Variants in CFAP47 observed in about 807,000 individuals in gnomAD.
The protein encoded by CFAP47 is cilia- and flagella-associated protein 47.
CFAP47 carries 29 observed loss-of-function variants against 148.1 expected under a neutral mutation model. The ratio of observed to expected loss-of-function variants is 0.20; its 90% CI spans 0.15 to 0.27. The LOEUF is 0.27. CFAP47 is among the 10% of genes least tolerant of loss of function. The pLI is 1.00. For synonymous variants in CFAP47, 664 were observed against 577.3 expected (o/e 1.15, Z -2.15); for missense variants, 1,872 against 1,697.5 (o/e 1.10, Z -1.81).
chrX:36,238,002 C>T (rs16998536), intron 48 of CFAP47, among the ~76,000 whole-genome samples: 1,855 of 111,523 alleles, frequency 0.017, 36 homozygotes, highest in African/African-American at 0.057. Context: ...CCTTCAAAAT[C>T]AAAACCTAGT....
At chrX:36,139,120 T>A (rs1939097258) in intron 35 of CFAP47, among the ~76,000 whole-genome samples, 1 of 111,671 alleles carries the variant, frequency 9.0e-6, no homozygotes, top group Non-Finnish European at 1.9e-5. Context: ...CTTATTTAAT[T>A]GTTAATAATG....
At chrX:36,146,873 G>C (rs7049376) in intron 36 of CFAP47, among the ~76,000 whole-genome samples, 10,117 of 103,511 alleles carry the variant, frequency 0.098, 1,051 homozygotes, top group African/African-American at 0.3. Flanking sequence ...CTCTGCCTTC[G>C]CAGGTTCAAG....
At chrX:35,986,262 C>G (rs957463476) in intron 15 of CFAP47, among the ~76,000 whole-genome samples, 1 of 110,491 alleles carries the variant, frequency 9.1e-6, no homozygotes, top group African/African-American at 3.3e-5. Context: ...TAGGTTTGGT[C>G]TTTTCACATA....
chrX:36,185,175 G>A (rs1156754737), intron 40 of CFAP47, among the ~76,000 whole-genome samples: 1 of 110,404 alleles, frequency 9.1e-6, no homozygotes, highest in East Asian at 2.9e-4. Flanking sequence ...GTCTGGTAAG[G>A]GCCAAATTCC....
chrX:36,157,517 A>T lies in CFAP47; in HGVS notation c.5787-1909A>T, dbSNP rs761056391. Among the ~76,000 whole-genome samples the T allele has an allele frequency of 4.5e-5, 5 of 111,641 alleles. No homozygotes were observed. The South Asian group carries it at 1.9e-3, about 42-fold the overall frequency. On this transcript the variant is annotated intron_variant, in intron 37 of 63. Coordinates refer to ENST00000378653, the MANE Select transcript of CFAP47 (RefSeq NM_001304548.2). The stretch of plus-strand genomic sequence containing the variant: ...TAGTTAACTCATTCTGATACTTCAC[A>T]TTCCACCTAATATATCACTTTCTCT...
At chrX:36,313,665 A>C (rs1410755829) in intron 56 of CFAP47, among the ~76,000 whole-genome samples, 2 of 111,767 alleles carry the variant, frequency 1.8e-5, no homozygotes, top group Non-Finnish European at 3.8e-5. Context: ...AGAATTAAAA[A>C]AAAATTCTTA....
chrX:36,147,304 T>C (rs1468792428), intron 36 of CFAP47, among the ~76,000 whole-genome samples: 1 of 111,619 alleles, frequency 9.0e-6, no homozygotes, highest in Non-Finnish European at 1.9e-5. Context: ...TCCTATCTAC[T>C]CCTCATCACC....
chrX:36,170,076 A>G (rs1446511189), intron 39 of CFAP47, among the ~76,000 whole-genome samples: 2 of 111,534 alleles, frequency 1.8e-5, no homozygotes, highest in East Asian at 2.8e-4. Context: ...CAGAGCTGTC[A>G]AAAGGAGGAT....
intron 23 of CFAP47, among the ~76,000 whole-genome samples, chrX:36,031,828 C>CAGAG (rs201797091): frequency 0.32 from 34,251 of 108,619 alleles, 8,372 homozygotes; most frequent in African/African-American, 0.83. Flanking sequence ...GGAAGGAAAA[C>CAGAG]AGACATGCAT....
intron 49 of CFAP47, among the ~76,000 whole-genome samples, chrX:36,270,915 C>T (rs1231156340): frequency 3.6e-5 from 4 of 109,624 alleles, no homozygotes; most frequent in Non-Finnish European, 7.6e-5. Flanking sequence ...GAAAGAAGCA[C>T]GTGGTTTTAA....
At chrX:36,102,119 T>G (rs1348635983) in intron 32 of CFAP47, among the ~76,000 whole-genome samples, 6 of 112,137 alleles carry the variant, frequency 5.4e-5, no homozygotes, top group Non-Finnish European at 1.1e-4. Flanking sequence ...TTACATTTCT[T>G]GAATCAAATC....
At chrX:36,381,565 A>T (rs1942078023) in intron 63 of CFAP47, among the ~76,000 whole-genome samples, 1 of 111,273 alleles carries the variant, frequency 9.0e-6, no homozygotes, top group South Asian at 3.7e-4. Context: ...CATTCCATTA[A>T]ATCAAATTTA....
At position 36,228,848 on chromosome X, in the gene CFAP47, C is replaced by G. The variant is rs782426773; in HGVS notation, c.7014+24C>G. ...TAGTATGTATAAACTTTTTTGGTAC[C>G]TTTCTTTATTCATATTGCCACTGTG... On this transcript the variant is annotated intron_variant, in intron 46 of 63. Coordinates refer to ENST00000378653, the MANE Select transcript of CFAP47 (RefSeq NM_001304548.2). 6 of 508,287 alleles carry G rather than the reference C, an allele frequency of 1.2e-5. No homozygotes were observed. In the East Asian group the frequency reaches 2.2e-4, roughly 19 times the overall value. 41.9% of individuals were successfully genotyped at this position (508,287 alleles called of 1,213,427 possible).
chrX:36,127,270 A>G (rs949497291), intron 33 of CFAP47, among the ~76,000 whole-genome samples: 16 of 111,583 alleles, frequency 1.4e-4, no homozygotes, highest in Non-Finnish European at 2.4e-4. Context: ...TAATTTTTGT[A>G]TAAGGTATAA....
chrX:35,945,332 T>G lies in CFAP47; in HGVS notation c.518-2982T>G, dbSNP rs144038873. The stretch of plus-strand genomic sequence containing the variant: ...CTCTTTCCTAGACTGGTGTTTCTTT[T>G]TGTGGTATATTAAATGTGAATGTTT... On this transcript the variant is annotated intron_variant, in intron 3 of 63. Transcript: ENST00000378653. Among the ~76,000 whole-genome samples, 80 of 111,531 alleles carry G rather than the reference T, an allele frequency of 7.2e-4. 1 individual carries two copies. In the East Asian group the frequency reaches 0.021, roughly 29 times the overall value.
intron 30 of CFAP47, among the ~76,000 whole-genome samples, chrX:36,092,211 G>A (rs941224625): frequency 7.2e-5 from 8 of 111,170 alleles, no homozygotes; most frequent in African/African-American, 2.6e-4. Flanking sequence ...CTTCAAATAT[G>A]CTACCACAAG....
chrX:36,281,273 C>T (rs1193368381), intron 50 of CFAP47, among the ~76,000 whole-genome samples: 2 of 112,218 alleles, frequency 1.8e-5, no homozygotes, highest in African/African-American at 6.5e-5. Context: ...AAGAAGAAAT[C>T]TTTATTGAAT....
intron 45 of CFAP47, among the ~76,000 whole-genome samples, chrX:36,218,042 A>T (rs1032214254): frequency 8.9e-6 from 1 of 112,272 alleles, no homozygotes; most frequent in Non-Finnish European, 1.9e-5. Context: ...CCTAGAAAAC[A>T]TGCTGTTTAT....
At position 36,285,716 on chromosome X, in the gene CFAP47, G is replaced by A; in HGVS notation, c.7676G>A (p.Cys2559Tyr). Reference sequence around the variant, plus strand: ...CCCATAGAGATTATGGAAATGACATGTATTGCTCTGGTAAGTGCCCATTGC... The same window carrying A: ...CCCATAGAGATTATGGAAATGACATATATTGCTCTGGTAAGTGCCCATTGC... ...GPPIEIMEMT[C>Y]IALDSTCIEI... The change falls in exon 51 of 64, where the codon TGT (cysteine) becomes TAT (tyrosine). Residue 2559 changes from cysteine (C) to tyrosine (Y), a missense_variant. Coordinates refer to ENST00000378653, the MANE Select transcript of CFAP47 (RefSeq NM_001304548.2). 3 of 1,154,199 alleles carry A rather than the reference G, an allele frequency of 2.6e-6. No individual in the cohort carries two copies. Among genetic ancestry groups the A allele is most frequent in the African/African-American group, 1.8e-5 (1 of 55,895 alleles).
Sources: gnomAD v4.1 joint callset for allele counts (sites outside exome capture counted in the v4.1 genomes callset) on GRCh38, gnomAD v4.1.1 for gene constraint, MANE v1.5 for transcripts, NCBI Gene and HGNC (gene_info 2026-07-23, HGNC 2026-07-21) for gene names.